NLK: variants seen among roughly 807,000 people sequenced by gnomAD.
NLK encodes serine/threonine-protein kinase NLK.
Under a neutral mutation model 59.0 loss-of-function variants are expected in NLK, and 11 were observed. The ratio of observed to expected loss-of-function variants is 0.19; its 90% CI spans 0.12 to 0.31. The LOEUF is 0.31. NLK is among the 10% of genes least tolerant of loss of function. NLK has a pLI of 1.00. For synonymous variants in NLK, 235 were observed against 235.9 expected (o/e 1.00, Z 0.03); for missense variants, 410 against 661.1 (o/e 0.62, Z 4.16).
downstream of NLK, among the ~76,000 whole-genome samples, chr17:28,199,253 T>G (rs1249340114): frequency 6.6e-6 from 1 of 152,174 alleles, no homozygotes; most frequent in East Asian, 1.9e-4. Context: ...GCATTGCTGC[T>G]GAGAACGTGA....
At chr17:28,104,573 T>G (rs1006559104) in intron 1 of NLK, among the ~76,000 whole-genome samples, 1 of 151,942 alleles carries the variant, frequency 6.6e-6, no homozygotes, top group Non-Finnish European at 1.5e-5. Flanking sequence ...TTATTTTTAT[T>G]GGATGTTGTA....
intron 1 of NLK, among the ~76,000 whole-genome samples, chr17:28,065,160 A>G (rs778836849): frequency 1.3e-5 from 2 of 152,226 alleles, no homozygotes; most frequent in African/African-American, 2.4e-5. Flanking sequence ...GTGGGAAGAT[A>G]TAGATGGGAT....
chr17:28,069,033 T>G (rs1026451284), intron 1 of NLK, among the ~76,000 whole-genome samples: 4 of 152,162 alleles, frequency 2.6e-5, no homozygotes, highest in African/African-American at 9.7e-5. Context: ...ACAGAACATT[T>G]TATCACCCCA....
chr17:28,139,651 A>T (rs2142027844), intron 3 of NLK, among the ~76,000 whole-genome samples: 1 of 152,370 alleles, frequency 6.6e-6, no homozygotes, highest in South Asian at 2.1e-4. Flanking sequence ...AAAATGTAAT[A>T]TGTGAGACCC....
chr17:28,182,383 C>G (rs909916593), intron 7 of NLK, among the ~76,000 whole-genome samples: 1 of 152,132 alleles, frequency 6.6e-6, no homozygotes, highest in Non-Finnish European at 1.5e-5. Context: ...AGGCTATGAC[C>G]AAGGTCCAAG....
At chr17:28,169,839 G>A (rs991688765) in intron 6 of NLK, among the ~76,000 whole-genome samples, 5 of 151,410 alleles carry the variant, frequency 3.3e-5, no homozygotes, top group East Asian at 1.9e-4. Context: ...TTGCAATTAC[G>A]ATGGTGGTAG....
intron 3 of NLK, among the ~76,000 whole-genome samples, chr17:28,140,444 A>G (rs183812844): frequency 6.6e-6 from 1 of 152,202 alleles, no homozygotes; most frequent in Non-Finnish European, 1.5e-5. Flanking sequence ...ATTTTACCAC[A>G]ATTTTTAAAA....
chr17:28,061,299 G>GA (rs1188689179), intron 1 of NLK, among the ~76,000 whole-genome samples: 3 of 151,974 alleles, frequency 2.0e-5, no homozygotes, highest in Non-Finnish European at 2.9e-5. Flanking sequence ...GAAGCAAATT[G>GA]AAAAAAAGAC....
chr17:28,124,826 G>T (rs1906226399), intron 2 of NLK, among the ~76,000 whole-genome samples: 2 of 152,058 alleles, frequency 1.3e-5, no homozygotes, highest in Admixed American at 1.3e-4. Flanking sequence ...AAGGCAGCTG[G>T]ATCATTTGAG....
chr17:28,157,569 C>T (rs1353301921), intron 3 of NLK, among the ~76,000 whole-genome samples: 1 of 152,054 alleles, frequency 6.6e-6, no homozygotes, highest in African/African-American at 2.4e-5. Context: ...TCAAGCAGTC[C>T]ACCCTCCTGG....
At chr17:28,154,269 A>G (rs1416418272) in intron 3 of NLK, among the ~76,000 whole-genome samples, 1 of 152,186 alleles carries the variant, frequency 6.6e-6, no homozygotes, top group African/African-American at 2.4e-5. Flanking sequence ...GATTGGTTGC[A>G]AGCCTGTTTA....
intron 2 of NLK, 55 bp from the exon 3 acceptor site, chr17:28,132,565 G>A (rs778584965): frequency 4.0e-5 from 54 of 1,365,642 alleles, no homozygotes; most frequent in Non-Finnish European, 4.4e-5. Context: ...CATTTATGTC[G>A]AATTTTGTTT....
At chr17:28,107,436 A>C (rs1008585485) in intron 1 of NLK, among the ~76,000 whole-genome samples, 9 of 148,728 alleles carry the variant, frequency 6.1e-5, no homozygotes, top group East Asian at 5.8e-4. Context: ...CTCTGTCTCA[A>C]AAAAAAAAAA....
intron 1 of NLK, chr17:28,062,120 A>C (rs1909682637): frequency 6.6e-6 from 1 of 151,742 alleles, no homozygotes; most frequent in African/African-American, 2.4e-5. Flanking sequence ...TGCCCGTTAA[A>C]ACTGCATAAA....
rs117145851 is a variant in NLK, at chr17:28,167,583, C to T, written c.838-865C>T. Among the ~76,000 whole-genome samples the T allele has an allele frequency of 8.3e-4, 126 of 151,974 alleles. No individual in the cohort carries two copies. The East Asian group carries it at 0.023, about 27-fold the overall frequency. ...GTATGCATTTGGCCAGGTGCAGTAG[C>T]TCACGCCTGTTATCCCAGCACTTTG... On this transcript the variant is annotated intron_variant, in intron 5 of 10. Transcript: ENST00000407008.
At chr17:28,121,492 T>TTCC in intron 1 of NLK, among the ~76,000 whole-genome samples, 1 of 112,028 alleles carries the variant, frequency 8.9e-6, no homozygotes, top group Admixed American at 1.2e-4. Context: ...TTTTCTTTCT[T>TTCC]TTCTTTTTTT....
chr17:28,193,508 C>T lies in NLK; in HGVS notation c.1530-1074C>T, dbSNP rs34160203. Among the ~76,000 whole-genome samples the T allele has an allele frequency of 7.6e-3, 1,151 of 152,292 alleles. 13 individuals carry two copies. Among genetic ancestry groups the T allele is most frequent in the African/African-American group, 0.026 (1,086 of 41,546 alleles). ...TCCTGATGCTACAGCCTTGCAAATG[C>T]CCTTCCAGCACCCTCTGTTGACAAA... On this transcript the variant is annotated intron_variant, in intron 10 of 10. Transcript: ENST00000407008.
intron 1 of NLK, among the ~76,000 whole-genome samples, chr17:28,086,847 C>T (rs909869944): frequency 6.6e-6 from 1 of 150,512 alleles, no homozygotes; most frequent in South Asian, 2.1e-4. Flanking sequence ...GGCAACAAAA[C>T]GAGACCTCAT....
intron 7 of NLK, among the ~76,000 whole-genome samples, chr17:28,179,886 T>G (rs994623155): frequency 5.4e-5 from 8 of 149,512 alleles, no homozygotes; most frequent in East Asian, 1.9e-4. Flanking sequence ...TTTTTTTTTT[T>G]TTTTTTTTTT....
Sources: allele counts gnomAD v4.1 joint callset (sites outside exome capture counted in the v4.1 genomes callset), GRCh38; gene constraint gnomAD v4.1.1; transcripts MANE v1.5; gene names NCBI Gene and HGNC (gene_info 2026-07-23, HGNC 2026-07-21).